The following SOAT1 variants were observed in gnomAD, a reference collection of about 807,000 sequenced individuals.
The protein encoded by SOAT1 is acyl-coenzyme A:cholesterol acyltransferase 1.
SOAT1 carries 55 observed loss-of-function variants against 69.5 expected under a neutral mutation model. That is an observed-to-expected ratio of 0.79 (90% confidence interval 0.64 to 0.99). The LOEUF is 0.99. SOAT1 is among the 50% of genes least tolerant of loss of function. The probability of loss-of-function intolerance (pLI) is 0.00; values close to 1 mark genes in which losing one functional copy is unlikely to be tolerated. For synonymous variants in SOAT1, 231 were observed against 224.7 expected (o/e 1.03, Z -0.25); for missense variants, 580 against 669.3 (o/e 0.87, Z 1.47).
At chr1:179,342,337 CT>C in intron 8 of SOAT1, 145 bp downstream of exon 8, 1 of 544,860 alleles carries the variant, frequency 1.8e-6, no homozygotes, top group Non-Finnish European at 3.2e-6. Flanking sequence ...CTCTCTCTCT[CT>C]TTTTCTTTTC....
At chr1:179,352,636 A>T (rs1031783539) in intron 15 of SOAT1, among the ~76,000 whole-genome samples, 1 of 126,742 alleles carries the variant, frequency 7.9e-6, no homozygotes, top group African/African-American at 2.8e-5. Context: ...TGGCCCTACT[A>T]ATAATTCATT....
intron 1 of SOAT1, among the ~76,000 whole-genome samples, chr1:179,298,002 CA>C (rs59670155): frequency 2.8e-4 from 40 of 142,972 alleles, no homozygotes; most frequent in Admixed American, 5.6e-4. Flanking sequence ...AACTCTGTCT[CA>C]AAAAAAAAAA....
Position 179,347,685 on chromosome 1 carries a change from G to A in SOAT1, c.1203G>A (p.Arg401=). ...CTGAGATGTTACGCTTTGGTGACAG[G>A]ATGTTCTATAAGGTAGTATATACTT... ...AFAEMLRFGD[R]MFYKDWWNST... Residue 401 remains arginine (R), a synonymous_variant, in exon 12 of 16, where the codon AGG becomes AGA. Coordinates refer to ENST00000367619, the MANE Select transcript of SOAT1 (RefSeq NM_003101.6). 1 of 1,607,054 alleles carries A rather than the reference G, an allele frequency of 6.2e-7. No homozygotes were observed. Among genetic ancestry groups the A allele is most frequent in the Non-Finnish European group, 8.5e-7 (1 of 1,173,854 alleles).
rs1415304021 is a variant in SOAT1 at position 179,357,034 on chromosome 1, A to G, written c.*3393A>G. On this transcript the variant is annotated 3_prime_UTR_variant, in exon 16 of 16. Coordinates refer to ENST00000367619, the MANE Select transcript of SOAT1 (RefSeq NM_003101.6). The stretch of plus-strand genomic sequence containing the variant: ...TGACTTGCTTACTAATCTTATGCAA[A>G]ATTTCATGTAATTTATGTAATACTA... 6.6e-6 allele frequency: 1 copy of G among 152,058 alleles called. No individual in the cohort carries two copies. The highest frequency in any genetic ancestry group is 1.5e-5 in the Non-Finnish European group (1 of 68,034). 9.4% of individuals were successfully genotyped at this position (152,058 alleles called of 1,614,324 possible).
chr1:179,321,938 A>G (rs912020005), intron 2 of SOAT1, among the ~76,000 whole-genome samples: 1 of 150,754 alleles, frequency 6.6e-6, no homozygotes, highest in African/African-American at 2.4e-5. Context: ...GCTGGAGTGC[A>G]GTGGTGCGAT....
At chr1:179,336,410 G>A (rs1666155754) in intron 4 of SOAT1, among the ~76,000 whole-genome samples, 1 of 147,352 alleles carries the variant, frequency 6.8e-6, no homozygotes, top group African/African-American at 2.5e-5. Flanking sequence ...GGAGGCAGAG[G>A]TTGTAGTGAG....
chr1:179,316,378 A>AG (rs1558042457), intron 2 of SOAT1, among the ~76,000 whole-genome samples: 1 of 151,810 alleles, frequency 6.6e-6, no homozygotes, highest in African/African-American at 2.4e-5. Context: ...TCACTGTGAT[A>AG]TATCTAAGTC....
At chr1:179,349,101 C>T (rs1011138658) in intron 13 of SOAT1, among the ~76,000 whole-genome samples, 159 bp downstream of exon 13, 8 of 151,960 alleles carry the variant, frequency 5.3e-5, no homozygotes, top group Non-Finnish European at 1.0e-4. Flanking sequence ...CATCTAGAAA[C>T]CTGCTTTGAA....
chr1:179,324,515 A>C (rs1571427661), intron 3 of SOAT1, among the ~76,000 whole-genome samples: 1 of 152,340 alleles, frequency 6.6e-6, no homozygotes, highest in East Asian at 1.9e-4. Context: ...CTGCTTTATA[A>C]AGTGGTACTC....
At chr1:179,343,002 G>C (rs1441240755) in intron 9 of SOAT1, 59 bp downstream of exon 9, 74 of 1,349,322 alleles carry the variant, frequency 5.5e-5, no homozygotes, top group Non-Finnish European at 7.6e-5. Flanking sequence ...TGAGTGAGGT[G>C]GGATAGGTAA....
intron 2 of SOAT1, among the ~76,000 whole-genome samples, chr1:179,312,648 C>G (rs973348156): frequency 5.9e-5 from 9 of 152,038 alleles, no homozygotes; most frequent in African/African-American, 2.2e-4. Flanking sequence ...TAGGCTTGGC[C>G]AGTGGGAGAA....
At chr1:179,336,992 C>CAAA (rs34182074) in intron 4 of SOAT1, among the ~76,000 whole-genome samples, 1 of 141,638 alleles carries the variant, frequency 7.1e-6, no homozygotes, top group Non-Finnish European at 1.5e-5. Context: ...GAGACTGACT[C>CAAA]AAAAAAAAAA....
chr1:179,308,636 C>T (rs1665108425), intron 2 of SOAT1, among the ~76,000 whole-genome samples: 1 of 146,190 alleles, frequency 6.8e-6, no homozygotes, highest in Non-Finnish European at 1.5e-5. Context: ...CGCGCCACTG[C>T]ACTCTAGCCT....
At chr1:179,342,301 C>T in intron 8 of SOAT1, 109 bp downstream of exon 8, 1 of 647,348 alleles carries the variant, frequency 1.5e-6, no homozygotes, top group African/African-American at 1.9e-5. Context: ...CCCTCCCTCC[C>T]TCTCTCTTTT....
At chr1:179,311,771 TAC>T (rs1415739548) in intron 2 of SOAT1, among the ~76,000 whole-genome samples, 6 of 152,220 alleles carry the variant, frequency 3.9e-5, no homozygotes, top group Non-Finnish European at 8.8e-5. Context: ...TTAGTAGAAC[TAC>T]AGATTTTATT....
intron 2 of SOAT1, among the ~76,000 whole-genome samples, chr1:179,316,884 T>C (rs1006972384): frequency 2.0e-5 from 3 of 152,176 alleles, no homozygotes; most frequent in African/African-American, 7.2e-5. Context: ...TGAAAAGAAA[T>C]GTCCAATAGA....
intron 6 of SOAT1, among the ~76,000 whole-genome samples, chr1:179,340,184 T>C (rs1411180041): frequency 6.6e-6 from 1 of 152,208 alleles, no homozygotes; most frequent in East Asian, 1.9e-4. Context: ...AAAGTTGATA[T>C]TTCTTTTTAA....
chr1:179,304,032 A>G (rs966225069), intron 2 of SOAT1, among the ~76,000 whole-genome samples: 2 of 152,188 alleles, frequency 1.3e-5, no homozygotes, highest in Admixed American at 1.3e-4. Flanking sequence ...TTATTGTCCT[A>G]GTTCATTAAG....
Position 179,354,027 on chromosome 1 carries a change from A to G in SOAT1, c.*386A>G. 5.8e-6 allele frequency: 1 copy of G among 173,524 alleles called. No individual in the cohort carries two copies. The highest frequency in any genetic ancestry group is 1.2e-5 in the Non-Finnish European group (1 of 82,554). The allele number at this position is 173,524 out of a possible 1,614,324, so 10.7% of individuals were successfully genotyped here. A position where few individuals can be genotyped will look rare whatever the true frequency, so the allele number is the denominator to read the frequency against. On this transcript the variant is annotated 3_prime_UTR_variant, in exon 16 of 16. Transcript: ENST00000367619. ...TGAATTAGCCAAAACACTTAGGAAG[A>G]AATCACTTAAATACCTCTGGCTTAG...
Sources: allele counts gnomAD v4.1 joint callset (sites outside exome capture counted in the v4.1 genomes callset), GRCh38; gene constraint gnomAD v4.1.1; transcripts MANE v1.5; gene names NCBI Gene and HGNC (gene_info 2026-07-23, HGNC 2026-07-21).